Variants in CNTN4 observed in about 807,000 individuals in gnomAD.
CNTN4 encodes the protein contactin-4.
CNTN4 carries 77 observed loss-of-function variants against 122.5 expected under a neutral mutation model. The ratio of observed to expected loss-of-function variants is 0.63; its 90% CI spans 0.52 to 0.76. The LOEUF (loss-of-function observed/expected upper bound fraction) is 0.76, where lower values mean the gene tolerates loss of function less well. CNTN4 is among the 30% of genes least tolerant of loss of function. The pLI is 0.00. For synonymous variants in CNTN4, 512 were observed against 447.0 expected (o/e 1.15, Z -1.83); for missense variants, 1,256 against 1,259.1 (o/e 1.00, Z 0.04).
chr3:2,177,414 C>T (rs560400958), intron 2 of CNTN4, among the ~76,000 whole-genome samples: 1 of 152,146 alleles, frequency 6.6e-6, no homozygotes, highest in African/African-American at 2.4e-5. Flanking sequence ...ACTTGTCTCC[C>T]CAGTGCACTT....
chr3:2,488,689 A>C (rs537034430), intron 3 of CNTN4, among the ~76,000 whole-genome samples: 1 of 152,304 alleles, frequency 6.6e-6, no homozygotes, highest in Admixed American at 6.5e-5. Flanking sequence ...TTTATATGTC[A>C]TTTCACTTAA....
chr3:2,479,224 A>G (rs1220955782), intron 3 of CNTN4, among the ~76,000 whole-genome samples: 1 of 152,164 alleles, frequency 6.6e-6, no homozygotes, highest in African/African-American at 2.4e-5. Context: ...TGTTGTTACC[A>G]TTTCTATAGC....
chr3:2,758,642 G>A (rs1423773420), intron 6 of CNTN4, among the ~76,000 whole-genome samples: 1 of 151,340 alleles, frequency 6.6e-6, no homozygotes, highest in African/African-American at 2.4e-5. Context: ...GAGTAGCTGG[G>A]ATTACAGGCG....
chr3:2,736,991 C>T (rs376730582), intron 5 of CNTN4, among the ~76,000 whole-genome samples: 7 of 151,852 alleles, frequency 4.6e-5, no homozygotes, highest in African/African-American at 1.4e-4. Flanking sequence ...ATCATGTTGA[C>T]CAGGCTGATC....
At chr3:2,567,976 C>G (rs2079247978) in intron 3 of CNTN4, among the ~76,000 whole-genome samples, 2 of 152,102 alleles carry the variant, frequency 1.3e-5, no homozygotes, top group Non-Finnish European at 1.5e-5. Context: ...GCACCTCCTG[C>G]TAAGTAAACT....
At chr3:2,781,716 A>AT (rs59896254) in intron 6 of CNTN4, among the ~76,000 whole-genome samples, 2,081 of 85,948 alleles carry the variant, frequency 0.024, 83 homozygotes, top group Non-Finnish European at 0.031. Flanking sequence ...CTTTGGGTAA[A>AT]TTTTTTTTTT....
At chr3:2,170,072 A>G (rs1185858064) in intron 2 of CNTN4, among the ~76,000 whole-genome samples, 1 of 152,068 alleles carries the variant, frequency 6.6e-6, no homozygotes, top group African/African-American at 2.4e-5. Flanking sequence ...CTGTAATCCC[A>G]GCACTTTGGG....
intron 3 of CNTN4, among the ~76,000 whole-genome samples, chr3:2,526,936 A>T (rs557591372): frequency 6.6e-6 from 1 of 152,284 alleles, no homozygotes; most frequent in African/African-American, 2.4e-5. Flanking sequence ...AAATCTCTAG[A>T]TCTGAATCTT....
chr3:2,499,342 G>A (rs1027844208), intron 3 of CNTN4, among the ~76,000 whole-genome samples: 1 of 152,062 alleles, frequency 6.6e-6, no homozygotes, highest in Non-Finnish European at 1.5e-5. Context: ...AAATTAGTTT[G>A]ACTACTAATG....
At chr3:2,322,244 G>C (rs2150218238) in intron 2 of CNTN4, among the ~76,000 whole-genome samples, 2 of 152,226 alleles carry the variant, frequency 1.3e-5, no homozygotes, top group South Asian at 4.1e-4. Flanking sequence ...CTGTATCAAT[G>C]TTCACAGCAG....
intron 7 of CNTN4, among the ~76,000 whole-genome samples, chr3:2,839,964 C>G (rs1476178704): frequency 6.6e-6 from 1 of 152,144 alleles, no homozygotes; most frequent in African/African-American, 2.4e-5. Flanking sequence ...ACTTGTGTAG[C>G]TAAGTGTAGA....
At chr3:3,026,584 A>C (rs1190430615) in intron 15 of CNTN4, among the ~76,000 whole-genome samples, 1 of 152,152 alleles carries the variant, frequency 6.6e-6, no homozygotes, top group African/African-American at 2.4e-5. Context: ...TGTGGAACTC[A>C]GCTTAAAACT....
chr3:2,232,059 T>C (rs2039508148), intron 2 of CNTN4, among the ~76,000 whole-genome samples: 1 of 152,116 alleles, frequency 6.6e-6, no homozygotes, highest in Admixed American at 6.6e-5. Flanking sequence ...CACATGTACT[T>C]TTCTTAAACC....
At chr3:2,576,357 C>T (rs549751133) in intron 4 of CNTN4, among the ~76,000 whole-genome samples, 2 of 152,216 alleles carry the variant, frequency 1.3e-5, no homozygotes, top group Admixed American at 6.5e-5. Context: ...CTATAGACCC[C>T]GGGTGCTTTG....
chr3:2,348,081 C>T (rs540127735), intron 3 of CNTN4, among the ~76,000 whole-genome samples: 57 of 152,258 alleles, frequency 3.7e-4, no homozygotes, highest in African/African-American at 1.3e-3. Flanking sequence ...GAACTACTTC[C>T]TTTCTTTGGG....
At chr3:2,842,188 G>C (rs2093373745) in intron 7 of CNTN4, among the ~76,000 whole-genome samples, 1 of 152,136 alleles carries the variant, frequency 6.6e-6, no homozygotes, top group South Asian at 2.1e-4. Context: ...TGCAGGTAAT[G>C]GGTTGCAGCA....
At chr3:2,151,974 AT>A in intron 2 of CNTN4, among the ~76,000 whole-genome samples, 1 of 152,288 alleles carries the variant, frequency 6.6e-6, no homozygotes, top group Middle Eastern at 3.4e-3. Flanking sequence ...ATAATGCATG[AT>A]TTTTTCTAAG....
At chr3:2,587,268 C>T (rs1398276039) in intron 4 of CNTN4, among the ~76,000 whole-genome samples, 1 of 152,156 alleles carries the variant, frequency 6.6e-6, no homozygotes, top group Admixed American at 6.5e-5. Context: ...ATTAAACTCA[C>T]ATCTTTTCTG....
chr3:2,196,276 G>A (rs1367431477), intron 2 of CNTN4, among the ~76,000 whole-genome samples: 5 of 152,172 alleles, frequency 3.3e-5, no homozygotes, highest in Non-Finnish European at 7.4e-5. Flanking sequence ...TTCAAAAGTG[G>A]TGTGAGAGTG....
Sources: gnomAD v4.1 joint callset for allele counts (sites outside exome capture counted in the v4.1 genomes callset) on GRCh38, gnomAD v4.1.1 for gene constraint, MANE v1.5 for transcripts, NCBI Gene and HGNC (gene_info 2026-07-23, HGNC 2026-07-21) for gene names.